Variants in GALNT17 observed in about 807,000 individuals in gnomAD.
GALNT17 encodes the protein UDP-GalNAc:polypeptide N-acetylgalactosaminyltransferase-like 3.
GALNT17 carries 29 observed loss-of-function variants against 63.7 expected under a neutral mutation model. The ratio of observed to expected loss-of-function variants is 0.46; its 90% CI spans 0.34 to 0.62. GALNT17 has a LOEUF of 0.62. GALNT17 is among the 20% of genes least tolerant of loss of function. The pLI is 0.01. For missense variants in GALNT17, 603 were observed against 799.6 expected, an observed-to-expected ratio of 0.75 and a Z score of 2.97; for synonymous variants, 305 against 318.3, an observed-to-expected ratio of 0.96 and a Z score of 0.45.
chr7:71,621,489 G>A (rs879283469), intron 6 of GALNT17, among the ~76,000 whole-genome samples: 3 of 122,292 alleles, frequency 2.5e-5, no homozygotes, highest in Admixed American at 9.8e-5. Context: ...ATGAATGGAT[G>A]GATTGATGGA....
intron 5 of GALNT17, among the ~76,000 whole-genome samples, chr7:71,535,308 C>T (rs1056069723): frequency 6.6e-6 from 1 of 152,138 alleles, no homozygotes; most frequent in African/African-American, 2.4e-5. Flanking sequence ...TTTTCTTCTG[C>T]ATTTTCATCC....
At chr7:71,232,539 G>T (rs974341896) in intron 1 of GALNT17, among the ~76,000 whole-genome samples, 9 of 152,122 alleles carry the variant, frequency 5.9e-5, no homozygotes, top group Admixed American at 1.3e-4. Flanking sequence ...GGGCAGGTGA[G>T]CCCTAAAATT....
intron 3 of GALNT17, among the ~76,000 whole-genome samples, chr7:71,400,157 C>A (rs964971561): frequency 6.6e-6 from 1 of 152,062 alleles, no homozygotes. Flanking sequence ...CCTTGTCCCC[C>A]ACCCCCTGAC....
intron 5 of GALNT17, among the ~76,000 whole-genome samples, chr7:71,503,475 G>A (rs1480334147): frequency 1.3e-5 from 2 of 152,090 alleles, no homozygotes; most frequent in Non-Finnish European, 2.9e-5. Context: ...GACCTCAAGC[G>A]ATCTGCCCAC....
intron 1 of GALNT17, among the ~76,000 whole-genome samples, chr7:71,205,924 C>T (rs1450933685): frequency 6.6e-6 from 1 of 151,816 alleles, no homozygotes; most frequent in Non-Finnish European, 1.5e-5. Flanking sequence ...ACAAACTTTG[C>T]AGTGCAGATG....
chr7:71,147,350 C>A (rs933823612), intron 1 of GALNT17, among the ~76,000 whole-genome samples: 1 of 152,128 alleles, frequency 6.6e-6, no homozygotes, highest in African/African-American at 2.4e-5. Flanking sequence ...AAGCATCCAG[C>A]ACGGGAGAAA....
At chr7:71,703,457 T>A (rs1246621453) in intron 9 of GALNT17, among the ~76,000 whole-genome samples, 1 of 152,192 alleles carries the variant, frequency 6.6e-6, no homozygotes, top group African/African-American at 2.4e-5. Context: ...AAGCAAGAAC[T>A]CATTTATCAC....
chr7:71,154,846 G>A (rs1437865896), intron 1 of GALNT17, among the ~76,000 whole-genome samples: 1 of 151,824 alleles, frequency 6.6e-6, no homozygotes, highest in African/African-American at 2.4e-5. Context: ...AAAGTGCTGG[G>A]ATTACAGGCG....
At chr7:71,330,880 A>G (rs1791796350) in intron 1 of GALNT17, among the ~76,000 whole-genome samples, 1 of 152,058 alleles carries the variant, frequency 6.6e-6, no homozygotes, top group South Asian at 2.1e-4. Context: ...GTCAGTGAGC[A>G]CTTGCTGAAC....
intron 5 of GALNT17, among the ~76,000 whole-genome samples, chr7:71,486,829 C>T (rs1401815532): frequency 6.6e-6 from 1 of 151,012 alleles, no homozygotes; most frequent in Non-Finnish European, 1.5e-5. Flanking sequence ...TGCCATTGCA[C>T]TTCAACCTGG....
chr7:71,556,754 C>A (rs1422580751), intron 5 of GALNT17, among the ~76,000 whole-genome samples: 1 of 151,744 alleles, frequency 6.6e-6, no homozygotes, highest in East Asian at 1.9e-4. Context: ...TGTTTAGAGA[C>A]AGGGTTTCAC....
At position 71,245,848 on chromosome 7, in the gene GALNT17, G is replaced by GTTTTTTTTTTTTTTTTTTTTTTTT. The variant is rs542136452; in HGVS notation, c.239-89686_239-89685insTTTTTTTTTTTTTTTTTTTTTTTT. Among the ~76,000 whole-genome samples, 161 of 122,822 alleles carry GTTTTTTTTTTTTTTTTTTTTTTTT rather than the reference G, an allele frequency of 1.3e-3. 6 individuals are homozygous for GTTTTTTTTTTTTTTTTTTTTTTTT. The highest frequency in any genetic ancestry group is 3.9e-3 in the East Asian group (17 of 4,338). 80.6% of individuals were successfully genotyped at this position (122,822 alleles called of 152,430 possible). ...AGGTCTGCAGAGAGCAAGAGAGCAG[G>GTTTTTTTTTTTTTTTTTTTTTTTT]TTTTTTTTTTTTTTTTGCAAAGGTA... On this transcript the variant is annotated intron_variant, in intron 1 of 10. Coordinates refer to ENST00000333538, the MANE Select transcript of GALNT17 (RefSeq NM_022479.3).
At chr7:71,405,043 G>A (rs1466125926) in intron 3 of GALNT17, among the ~76,000 whole-genome samples, 5 of 152,162 alleles carry the variant, frequency 3.3e-5, no homozygotes. Flanking sequence ...ACTCACATTT[G>A]GTCCTCATGC....
intron 1 of GALNT17, among the ~76,000 whole-genome samples, chr7:71,288,215 CAAAA>C (rs59555320): frequency 6.4e-4 from 54 of 83,828 alleles, no homozygotes; most frequent in East Asian, 2.3e-3. Context: ...GACTCCATCT[CAAAA>C]AAAAAAAAAA....
chr7:71,462,936 A>G (rs569736673), intron 5 of GALNT17, among the ~76,000 whole-genome samples: 3 of 152,256 alleles, frequency 2.0e-5, no homozygotes, highest in South Asian at 2.1e-4. Flanking sequence ...CTGGATCCCT[A>G]TGGCAAGTGG....
chr7:71,647,199 G>T (rs928576511), intron 6 of GALNT17, among the ~76,000 whole-genome samples: 2 of 149,622 alleles, frequency 1.3e-5, no homozygotes, highest in Non-Finnish European at 2.9e-5. Flanking sequence ...TAAGTACTGG[G>T]ATTACAGGTG....
chr7:71,321,559 C>G (rs771433692), intron 1 of GALNT17, among the ~76,000 whole-genome samples: 43 of 152,340 alleles, frequency 2.8e-4, no homozygotes, highest in South Asian at 2.3e-3. Context: ...AGATCTAACA[C>G]TTCAGAACAT....
intron 6 of GALNT17, among the ~76,000 whole-genome samples, chr7:71,636,643 G>A (rs535915427): frequency 2.0e-5 from 3 of 152,322 alleles, no homozygotes; most frequent in Admixed American, 6.5e-5. Flanking sequence ...GGAGTTTTCC[G>A]GGTAGACTTA....
At chr7:71,333,709 C>A (rs1460224786) in intron 1 of GALNT17, among the ~76,000 whole-genome samples, 1 of 152,098 alleles carries the variant, frequency 6.6e-6, no homozygotes, top group Non-Finnish European at 1.5e-5. Context: ...CCATGTTGGC[C>A]AGGCTGGTCT....
Sources: allele counts gnomAD v4.1 joint callset (sites outside exome capture counted in the v4.1 genomes callset), GRCh38; gene constraint gnomAD v4.1.1; transcripts MANE v1.5; gene names NCBI Gene and HGNC (gene_info 2026-07-23, HGNC 2026-07-21).